CHCHD6: variants seen among roughly 807,000 people sequenced by gnomAD.
The protein encoded by CHCHD6 is coiled-coil-helix-coiled-coil-helix domain containing 6, also known as MICOS complex subunit MIC25.
A neutral mutation model predicts 32.3 loss-of-function variants in CHCHD6; 28 were observed. That is an observed-to-expected ratio of 0.87 (90% CI 0.64 to 1.19). The LOEUF (loss-of-function observed/expected upper bound fraction) is 1.19, where lower values mean the gene tolerates loss of function less well. CHCHD6 is among the 50% of genes most tolerant of loss of function. CHCHD6 has a pLI of 0.00. For missense variants in CHCHD6, 333 were observed against 307.0 expected (o/e 1.08, Z -0.63); for synonymous variants, 122 against 117.5 (o/e 1.04, Z -0.25).
intron 5 of CHCHD6, among the ~76,000 whole-genome samples, chr3:126,895,375 G>T (rs138549660): frequency 6.6e-6 from 1 of 152,164 alleles, no homozygotes; most frequent in Non-Finnish European, 1.5e-5. Context: ...GACCATTACC[G>T]GCTGGCTGCA....
At chr3:126,744,738 A>T (rs1430885293) in intron 4 of CHCHD6, among the ~76,000 whole-genome samples, 1 of 151,522 alleles carries the variant, frequency 6.6e-6, no homozygotes, top group Non-Finnish European at 1.5e-5. Flanking sequence ...CCCAGGCTGG[A>T]GTGCAGTGGT....
intron 5 of CHCHD6, among the ~76,000 whole-genome samples, chr3:126,905,564 G>A (rs2077992787): frequency 6.6e-6 from 1 of 152,126 alleles, no homozygotes; most frequent in Non-Finnish European, 1.5e-5. Flanking sequence ...TCATGCTGCA[G>A]GAAAGGGGAA....
intron 6 of CHCHD6, among the ~76,000 whole-genome samples, chr3:126,949,104 C>T (rs2078678912): frequency 6.6e-6 from 1 of 152,218 alleles, no homozygotes; most frequent in South Asian, 2.1e-4. Flanking sequence ...ACTGCCAGGT[C>T]CAGTGTTTCC....
intron 4 of CHCHD6, among the ~76,000 whole-genome samples, chr3:126,820,406 G>A (rs963069373): frequency 6.6e-6 from 1 of 152,100 alleles, no homozygotes; most frequent in Admixed American, 6.5e-5. Context: ...AAAGAGAACC[G>A]CTACTTGGAC....
chr3:126,704,906 A>G (rs976642103), intron 1 of CHCHD6, among the ~76,000 whole-genome samples: 5 of 151,992 alleles, frequency 3.3e-5, no homozygotes, highest in Non-Finnish European at 5.9e-5. Flanking sequence ...GTGGGTTCCT[A>G]GCGCGCTTGG....
At position 126,934,507 on chromosome 3, in the gene CHCHD6, A is replaced by C. The variant is rs374582966; in HGVS notation, c.566+19757A>C. Among the ~76,000 whole-genome samples, 4 of 140,736 alleles carry C rather than the reference A, an allele frequency of 2.8e-5. No homozygotes were observed. In the East Asian group the frequency reaches 6.7e-4, roughly 23 times the overall value. 92.3% of individuals were successfully genotyped at this position (140,736 alleles called of 152,430 possible). A position where few individuals can be genotyped will look rare whatever the true frequency, so the allele number is the denominator to read the frequency against. On this transcript the variant is annotated intron_variant, in intron 6 of 7. Coordinates refer to ENST00000290913, the MANE Select transcript of CHCHD6 (RefSeq NM_032343.3). ...GCTCCACGGGACGTCAGGGCTGGGG[A>C]ACACTTGGAATGCACCCTCCCCTCT...
intron 6 of CHCHD6, among the ~76,000 whole-genome samples, chr3:126,932,967 T>TG (rs2078428031): frequency 6.6e-6 from 1 of 151,786 alleles, no homozygotes; most frequent in African/African-American, 2.4e-5. Flanking sequence ...ATGGTCCTTG[T>TG]GGGGTGGGGT....
At chr3:126,815,783 G>C (rs998634629) in intron 4 of CHCHD6, among the ~76,000 whole-genome samples, 1 of 151,880 alleles carries the variant, frequency 6.6e-6, no homozygotes, top group African/African-American at 2.4e-5. Context: ...CTACATTTCT[G>C]TGATCAAGTC....
In CHCHD6 at chr3:126,866,696, C is replaced by T. The variant is rs576247987; in HGVS notation, c.495+13966C>T. ...CTTTACCCTAAGTGGAACAGTGCACCGAGCCTTTCTTTCCTTGTCCCCCAG... is the reference window on the plus strand; with the variant it reads ...CTTTACCCTAAGTGGAACAGTGCACTGAGCCTTTCTTTCCTTGTCCCCCAG... On this transcript the variant is annotated intron_variant, in intron 5 of 7. Coordinates refer to ENST00000290913, the MANE Select transcript of CHCHD6 (RefSeq NM_032343.3). Among the ~76,000 whole-genome samples, 5 of 152,278 alleles carry T rather than the reference C, an allele frequency of 3.3e-5. No homozygotes were observed. The South Asian group carries it at 6.2e-4, about 19-fold the overall frequency.
intron 5 of CHCHD6, among the ~76,000 whole-genome samples, chr3:126,909,883 A>G: frequency 6.6e-6 from 1 of 152,234 alleles, no homozygotes; most frequent in Non-Finnish European, 1.5e-5. Flanking sequence ...CTGCCTTCCC[A>G]GGCTCTGTGC....
At chr3:126,816,583 A>G (rs1939914048) in intron 4 of CHCHD6, among the ~76,000 whole-genome samples, 1 of 152,156 alleles carries the variant, frequency 6.6e-6, no homozygotes, top group South Asian at 2.1e-4. Context: ...CTGAAAGCAC[A>G]TTAGGGACGA....
intron 5 of CHCHD6, among the ~76,000 whole-genome samples, chr3:126,911,555 C>T (rs1190530767): frequency 3.3e-5 from 5 of 152,198 alleles, no homozygotes; most frequent in African/African-American, 9.7e-5. Context: ...GTGGGGTAGG[C>T]GGGTCAGGAC....
At chr3:126,716,986 G>A (rs1935050034) in intron 1 of CHCHD6, among the ~76,000 whole-genome samples, 1 of 152,142 alleles carries the variant, frequency 6.6e-6, no homozygotes, top group African/African-American at 2.4e-5. Context: ...GGGCCTGAGT[G>A]CTGCTTAGCA....
At chr3:126,899,616 A>G (rs928915189) in intron 5 of CHCHD6, among the ~76,000 whole-genome samples, 3 of 152,206 alleles carry the variant, frequency 2.0e-5, no homozygotes, top group African/African-American at 4.8e-5. Flanking sequence ...CCCACCCAGA[A>G]GACAGAAGTT....
intron 4 of CHCHD6, among the ~76,000 whole-genome samples, chr3:126,757,331 G>C (rs1936990463): frequency 6.6e-6 from 1 of 152,094 alleles, no homozygotes; most frequent in Non-Finnish European, 1.5e-5. Flanking sequence ...CTGTACTTGG[G>C]GACTTTGTCA....
intron 6 of CHCHD6, among the ~76,000 whole-genome samples, chr3:126,930,925 G>T (rs2078394627): frequency 6.6e-6 from 1 of 152,224 alleles, no homozygotes; most frequent in Non-Finnish European, 1.5e-5. Flanking sequence ...ACAGCTCAGG[G>T]CTGGCTCTTG....
intron 1 of CHCHD6, among the ~76,000 whole-genome samples, chr3:126,725,279 T>G (rs1480128341): frequency 1.3e-5 from 2 of 152,224 alleles, no homozygotes; most frequent in Non-Finnish European, 2.9e-5. Context: ...AAAATAACAT[T>G]CATCTTGTAC....
chr3:126,753,705 C>T (rs893958953), intron 4 of CHCHD6, among the ~76,000 whole-genome samples: 3 of 152,214 alleles, frequency 2.0e-5, no homozygotes, highest in African/African-American at 7.2e-5. Context: ...CGTGGGCTGC[C>T]TTTCTGCAGC....
intron 4 of CHCHD6, among the ~76,000 whole-genome samples, chr3:126,793,284 T>G (rs1385153940): frequency 6.6e-6 from 1 of 152,144 alleles, no homozygotes; most frequent in Non-Finnish European, 1.5e-5. Flanking sequence ...TTCTACTGTT[T>G]TTTATTCCTT....
Sources: allele counts gnomAD v4.1 joint callset (sites outside exome capture counted in the v4.1 genomes callset), GRCh38; gene constraint gnomAD v4.1.1; transcripts MANE v1.5; gene names NCBI Gene and HGNC (gene_info 2026-07-23, HGNC 2026-07-21).